The following ERG variants were observed in gnomAD, a reference collection of about 807,000 sequenced individuals.
The protein encoded by ERG is transcriptional regulator ERG.
Under a neutral mutation model 55.3 loss-of-function variants are expected in ERG, and 9 were observed. The observed-to-expected ratio is 0.16, with a 90% CI of 0.10 to 0.28. ERG has a LOEUF of 0.28. Among genes scored for constraint, ERG ranks in the 10% least tolerant of loss-of-function variants. The probability of loss-of-function intolerance (pLI) is 1.00; values close to 1 mark genes in which losing one functional copy is unlikely to be tolerated. For missense variants in ERG, 434 were observed against 631.6 expected, an observed-to-expected ratio of 0.69 and a Z score of 3.35; for synonymous variants, 223 against 237.3, an observed-to-expected ratio of 0.94 and a Z score of 0.55.
At position 38,381,760 on chromosome 21, in the gene ERG, A is replaced by T. The variant is rs768958493; in HGVS notation, c.*1643T>A. On this transcript the variant is annotated 3_prime_UTR_variant, in exon 10 of 10. Transcript: ENST00000288319. Reference sequence around the variant, plus strand: ...ACCCCAGCTTCATAGGCCTCTTTCCATTCCAGGCATAAATATGGAGGCTCC... The same window carrying T: ...ACCCCAGCTTCATAGGCCTCTTTCCTTTCCAGGCATAAATATGGAGGCTCC... 1.5e-4 allele frequency: 156 copies of T among 1,063,242 alleles called. No individual in the cohort carries two copies. The highest frequency in any genetic ancestry group is 1.8e-4 in the Non-Finnish European group (154 of 878,144). The allele number at this position is 1,063,242 out of a possible 1,614,324, so 65.9% of individuals were successfully genotyped here. A position where few individuals can be genotyped will look rare whatever the true frequency, so the allele number is the denominator to read the frequency against.
chr21:38,493,057 G>T (rs2059349553), intron 1 of ERG, among the ~76,000 whole-genome samples: 1 of 152,122 alleles, frequency 6.6e-6, no homozygotes, highest in Non-Finnish European at 1.5e-5. Context: ...AATCCTTCCA[G>T]AGAATAATCT....
intron 1 of ERG, among the ~76,000 whole-genome samples, chr21:38,461,780 G>A (rs1249728484): frequency 8.5e-5 from 13 of 152,306 alleles, no homozygotes; most frequent in Non-Finnish European, 1.3e-4. Context: ...TATCTCATTT[G>A]TGTTAACATG....
At chr21:38,544,321 CAT>C (rs2059774482) in intron 2 of ERG, among the ~76,000 whole-genome samples, 1 of 152,174 alleles carries the variant, frequency 6.6e-6, no homozygotes, top group Non-Finnish European at 1.5e-5. Flanking sequence ...GCTGGAGCCA[CAT>C]GGACTGACAA....
intron 2 of ERG, among the ~76,000 whole-genome samples, chr21:38,512,258 A>G (rs1284401246): frequency 1.3e-5 from 2 of 152,176 alleles, no homozygotes; most frequent in Non-Finnish European, 2.9e-5. Context: ...TAAATAAACC[A>G]CCACACAATA....
At chr21:38,510,206 T>C (rs183333267) in intron 2 of ERG, among the ~76,000 whole-genome samples, 11 of 152,310 alleles carry the variant, frequency 7.2e-5, no homozygotes, top group Non-Finnish European at 1.5e-4. Flanking sequence ...TAAACTCACA[T>C]ATGGAATGCC....
chr21:38,461,122 C>A (rs970330931), intron 1 of ERG, among the ~76,000 whole-genome samples: 4 of 152,186 alleles, frequency 2.6e-5, no homozygotes, highest in African/African-American at 9.7e-5. Flanking sequence ...GACTGAGGGG[C>A]TTAAGCAACA....
intron 2 of ERG, among the ~76,000 whole-genome samples, chr21:38,526,946 T>G (rs941036623): frequency 9.9e-5 from 15 of 152,166 alleles, no homozygotes; most frequent in Non-Finnish European, 1.6e-4. Context: ...AAATCCCAGT[T>G]CTGCAAGTAA....
At chr21:38,624,556 T>C (rs575665583) in intron 1 of ERG, among the ~76,000 whole-genome samples, 1 of 152,312 alleles carries the variant, frequency 6.6e-6, no homozygotes, top group East Asian at 1.9e-4. Context: ...GAGACACCCC[T>C]TCTGTGGTCT....
intron 1 of ERG, among the ~76,000 whole-genome samples, chr21:38,628,961 T>G (rs890853115): frequency 3.9e-5 from 6 of 152,162 alleles, no homozygotes; most frequent in African/African-American, 7.2e-5. Flanking sequence ...CTAAACAAAT[T>G]ATCATTATCA....
chr21:38,417,258 G>T (rs1019348835), intron 3 of ERG, among the ~76,000 whole-genome samples: 3 of 152,160 alleles, frequency 2.0e-5, no homozygotes, highest in Non-Finnish European at 4.4e-5. Flanking sequence ...GGCAAGAAAA[G>T]GTGATTTTAA....
intron 1 of ERG, among the ~76,000 whole-genome samples, chr21:38,461,845 C>T (rs12329805): frequency 0.55 from 83,037 of 152,126 alleles, 23,588 homozygotes; most frequent in Non-Finnish European, 0.63. Flanking sequence ...ACTCTTGTCA[C>T]CCAGGCTGGA....
At chr21:38,645,763 T>C (rs879050999) in intron 1 of ERG, among the ~76,000 whole-genome samples, 1 of 152,092 alleles carries the variant, frequency 6.6e-6, no homozygotes, top group Non-Finnish European at 1.5e-5. Flanking sequence ...TCAGTGAAAA[T>C]GTATGTCCCT....
intron 2 of ERG, among the ~76,000 whole-genome samples, chr21:38,547,356 C>T (rs1002149840): frequency 6.6e-6 from 1 of 152,152 alleles, no homozygotes; most frequent in Admixed American, 6.5e-5. Context: ...ATCTGCATGG[C>T]CTCAACCAAT....
chr21:38,457,673 T>A (rs1466767456), intron 1 of ERG, among the ~76,000 whole-genome samples: 1 of 152,172 alleles, frequency 6.6e-6, no homozygotes, highest in East Asian at 1.9e-4. Context: ...AAAAGGAAGC[T>A]TCAAGAGCTG....
chr21:38,369,939 T>C, the ERG span, among the ~76,000 whole-genome samples: 1 of 152,052 alleles, frequency 6.6e-6, no homozygotes, highest in African/African-American at 2.4e-5. Flanking sequence ...AAGTGTGCAG[T>C]CTTATTTCTG....
intron 1 of ERG, among the ~76,000 whole-genome samples, chr21:38,598,498 T>C (rs1018105987): frequency 2.0e-5 from 3 of 152,208 alleles, no homozygotes; most frequent in African/African-American, 7.2e-5. Context: ...ACAGCACTAA[T>C]GTATCACAAA....
chr21:38,627,715 C>T (rs910048826), intron 1 of ERG, among the ~76,000 whole-genome samples: 2 of 152,206 alleles, frequency 1.3e-5, no homozygotes, highest in Middle Eastern at 3.4e-3. Context: ...TGGTAGGAAA[C>T]GAGTTTTGTC....
At chr21:38,455,147 C>G (rs1385577720) in intron 1 of ERG, among the ~76,000 whole-genome samples, 1 of 147,560 alleles carries the variant, frequency 6.8e-6, no homozygotes, top group Non-Finnish European at 1.5e-5. Flanking sequence ...TAGAATAGCA[C>G]AAGGCACAAA....
At chr21:38,521,668 G>A (rs1190503566) in intron 2 of ERG, among the ~76,000 whole-genome samples, 1 of 152,174 alleles carries the variant, frequency 6.6e-6, no homozygotes, top group African/African-American at 2.4e-5. Context: ...TTCAAGTGTG[G>A]AAGTTTGGAA....
Sources: gnomAD v4.1 joint callset for allele counts (sites outside exome capture counted in the v4.1 genomes callset) on GRCh38, gnomAD v4.1.1 for gene constraint, MANE v1.5 for transcripts, NCBI Gene and HGNC (gene_info 2026-07-23, HGNC 2026-07-21) for gene names.